Variants in ABHD12B observed in about 807,000 individuals in gnomAD.
The protein encoded by ABHD12B is protein ABHD12B.
ABHD12B carries 42 observed loss-of-function variants against 50.4 expected under a neutral mutation model. The ratio of observed to expected loss-of-function variants is 0.83; its 90% CI spans 0.65 to 1.08. The LOEUF is 1.08. Among genes scored for constraint, ABHD12B ranks in the 50% least tolerant of loss-of-function variants. The pLI, the probability that ABHD12B is intolerant of heterozygous loss-of-function variation, is 0.00. For missense variants in ABHD12B, 479 were observed against 447.7 expected, an observed-to-expected ratio of 1.07 and a Z score of -0.63; for synonymous variants, 167 against 160.3, an observed-to-expected ratio of 1.04 and a Z score of -0.32.
rs370341916 is a variant in ABHD12B at position 50,892,626 on chromosome 14, A to C, written c.780+3723A>C. The C allele has an allele frequency of 8.2e-6, 8 of 971,194 alleles. No individual in the cohort carries two copies. The African/African-American group carries it at 8.8e-5, about 11-fold the overall frequency. 60.2% of individuals were successfully genotyped at this position (971,194 alleles called of 1,614,324 possible). A position where few individuals can be genotyped will look rare whatever the true frequency, so the allele number is the denominator to read the frequency against. On this transcript the variant is annotated intron_variant, in intron 9 of 12. Coordinates refer to ENST00000337334, the MANE Select transcript of ABHD12B (RefSeq NM_001206673.2). ...GCTTTGACTTTATCTTCTGTGTTAT[A>C]TGGTTTCTATATTTTTAATTTCTGG...
intron 5 of ABHD12B, among the ~76,000 whole-genome samples, chr14:50,882,373 C>CTTTGTTTTTTTTTTTTTTTTTTT (rs2049965315): frequency 1.2e-5 from 1 of 81,844 alleles, no homozygotes; most frequent in African/African-American, 5.2e-5. Context: ...AGAATGTCTG[C>CTTTGTTTTTTTTTTTTTTTTTTT]TTTTTTTTTT....
intron 3 of ABHD12B, among the ~76,000 whole-genome samples, chr14:50,879,872 T>C (rs2049915521): frequency 6.6e-6 from 1 of 152,178 alleles, no homozygotes; most frequent in South Asian, 2.1e-4. Context: ...TTGTCACCCT[T>C]AGCCAGTTCT....
chr14:50,897,786 G>A (rs1475881171), intron 9 of ABHD12B, among the ~76,000 whole-genome samples: 1 of 152,226 alleles, frequency 6.6e-6, no homozygotes, highest in Non-Finnish European at 1.5e-5. Context: ...CACTGCACAG[G>A]GTTGTTGTGA....
intron 8 of ABHD12B, 129 bp downstream of exon 8, chr14:50,886,813 C>A: frequency 7.0e-6 from 5 of 716,416 alleles, no homozygotes; most frequent in African/African-American, 1.8e-5. Context: ...TGGTTTCTGG[C>A]AGTGCAACAG....
Position 50,877,961 on chromosome 14 carries a change from A to C in ABHD12B, c.114A>C (p.Pro38=), listed in dbSNP as rs1475274918. The part of the protein sequence containing the change: ...DMVDRNLRYF[P]HSCSMLGRKI... The stretch of plus-strand genomic sequence containing the variant: ...TCCCAATACCTTGCAGATATTTTCC[A>C]CACTCCTGTTCAATGCTCGGAAGAA... Residue 38 remains proline (P), a synonymous_variant, in exon 2 of 13, where the codon CCA becomes CCC. Coordinates refer to ENST00000337334, the MANE Select transcript of ABHD12B (RefSeq NM_001206673.2). 1 of 1,523,276 alleles carries C rather than the reference A, an allele frequency of 6.6e-7. No individual in the cohort carries two copies. The highest frequency in any genetic ancestry group is 8.8e-7 in the Non-Finnish European group (1 of 1,142,164). The allele number at this position is 1,523,276 out of a possible 1,614,324, so 94.4% of individuals were successfully genotyped here. A position where few individuals can be genotyped will look rare whatever the true frequency, so the allele number is the denominator to read the frequency against.
chr14:50,880,607 G>T, intron 4 of ABHD12B, 36 bp downstream of exon 4: 1 of 1,512,472 alleles, frequency 6.6e-7, no homozygotes, highest in Non-Finnish European at 8.9e-7. Context: ...TTTTTCAGGA[G>T]ATTGAGAGCA....
At chr14:50,874,459 G>T (rs2049832361) in intron 1 of ABHD12B, among the ~76,000 whole-genome samples, 2 of 152,100 alleles carry the variant, frequency 1.3e-5, no homozygotes, top group Non-Finnish European at 2.9e-5. Flanking sequence ...AATTAGCCAG[G>T]CGTGGTGGCA....
At chr14:50,883,764 A>G (rs921068193) in intron 5 of ABHD12B, among the ~76,000 whole-genome samples, 4 of 152,248 alleles carry the variant, frequency 2.6e-5, no homozygotes, top group African/African-American at 9.6e-5. Flanking sequence ...ATCATTGCCC[A>G]ACAGGACCAA....
Position 50,878,097 on chromosome 14 carries a change from A to G in ABHD12B, c.232+18A>G. 1 of 1,502,478 alleles carries G rather than the reference A, an allele frequency of 6.7e-7. No homozygotes were observed. Among genetic ancestry groups the G allele is most frequent in the South Asian group, 1.3e-5 (1 of 78,818 alleles). The allele number at this position is 1,502,478 out of a possible 1,614,324, so 93.1% of individuals were successfully genotyped here. A position where few individuals can be genotyped will look rare whatever the true frequency, so the allele number is the denominator to read the frequency against. On this transcript the variant is annotated intron_variant, in intron 2 of 12. Coordinates refer to ENST00000337334, the MANE Select transcript of ABHD12B (RefSeq NM_001206673.2). ...TAATTTTTGTAAGTATGGACCTTCC[A>G]TAAATTTTCCTATATAATTTTTCCC...
intron 9 of ABHD12B, among the ~76,000 whole-genome samples, chr14:50,899,325 A>G (rs2050236051): frequency 6.6e-6 from 1 of 152,250 alleles, no homozygotes; most frequent in East Asian, 1.9e-4. Context: ...TTTCCTTACC[A>G]CATTCCCTAA....
chr14:50,885,441 C>T (rs4898675), intron 5 of ABHD12B, among the ~76,000 whole-genome samples, 173 bp from the exon 6 acceptor site: 147,594 of 152,298 alleles, frequency 0.97, 71,688 homozygotes, highest in East Asian at 1. Flanking sequence ...TCATCGAATA[C>T]AAAATAATAG....
chr14:50,887,483 G>A (rs2050059091), intron 8 of ABHD12B, among the ~76,000 whole-genome samples: 1 of 152,016 alleles, frequency 6.6e-6, no homozygotes, highest in African/African-American at 2.4e-5. Flanking sequence ...CTATATAAAT[G>A]CAAATATTCA....
chr14:50,895,730 C>A (rs1036349390), intron 9 of ABHD12B: 1 of 152,128 alleles, frequency 6.6e-6, no homozygotes, highest in Non-Finnish European at 1.5e-5. Context: ...AAGGTAGGCC[C>A]GTCCCCTTCT....
intron 5 of ABHD12B, among the ~76,000 whole-genome samples, chr14:50,882,382 T>TTTTTTTTTTTTTTTTTTTTTTTTTTTTG (rs1321823420): frequency 7.5e-6 from 1 of 132,594 alleles, no homozygotes; most frequent in African/African-American, 3.0e-5. Flanking sequence ...GCTTTTTTTT[T>TTTTTTTTTTTTTTTTTTTTTTTTTTTTG]TTTTTTTTTT....
At chr14:50,904,276 T>TATA (rs1206011850) in intron 12 of ABHD12B, 63 bp from the exon 13 acceptor site, 89 of 1,613,778 alleles carry the variant, frequency 5.5e-5, no homozygotes, top group Non-Finnish European at 7.1e-5. Flanking sequence ...CATGAAAATG[T>TATA]ATAATATTTT....
In ABHD12B at chr14:50,903,513, C is replaced by T. The variant is rs753148667; in HGVS notation, c.942+46C>T. ...TGACTGAAATATACTATACTCATTTCACCATTTTTTTCATTCAGCCAAACT... is the reference window on the plus strand; with the variant it reads ...TGACTGAAATATACTATACTCATTTTACCATTTTTTTCATTCAGCCAAACT... On this transcript the variant is annotated intron_variant, in intron 11 of 12. Transcript: ENST00000337334. The T allele has an allele frequency of 3.3e-6, 5 of 1,519,928 alleles. No homozygotes were observed. The Admixed American group carries it at 5.8e-5, about 18-fold the overall frequency. 94.2% of individuals were successfully genotyped at this position (1,519,928 alleles called of 1,614,324 possible). A position where few individuals can be genotyped will look rare whatever the true frequency, so the allele number is the denominator to read the frequency against.
chr14:50,903,518 T>C (rs1302358186), intron 11 of ABHD12B, 51 bp downstream of exon 11: 9 of 1,480,406 alleles, frequency 6.1e-6, no homozygotes, highest in Non-Finnish European at 8.3e-6. Flanking sequence ...CATTTCACCA[T>C]TTTTTTCATT....
At position 50,886,750 on chromosome 14, in the gene ABHD12B, G is replaced by A; in HGVS notation, c.700+66G>A. On this transcript the variant is annotated intron_variant, in intron 8 of 12. Transcript: ENST00000337334. ...GATGGGAAAGTAAAAACAGTCAAGAGACTATTGTGTACACTTTGAACATAT... is the reference window on the plus strand; with the variant it reads ...GATGGGAAAGTAAAAACAGTCAAGAAACTATTGTGTACACTTTGAACATAT... The A allele has an allele frequency of 2.1e-6, 3 of 1,448,984 alleles. No homozygotes were observed. In the South Asian group the frequency reaches 3.6e-5, roughly 17 times the overall value. 89.8% of individuals were successfully genotyped at this position (1,448,984 alleles called of 1,614,324 possible). A position where few individuals can be genotyped will look rare whatever the true frequency, so the allele number is the denominator to read the frequency against.
chr14:50,877,312 T>C (rs1206314032), intron 1 of ABHD12B, among the ~76,000 whole-genome samples: 3 of 152,116 alleles, frequency 2.0e-5, no homozygotes, highest in South Asian at 2.1e-4. Context: ...AGTGCAGAAT[T>C]GTGATATAAT....
Sources: allele counts gnomAD v4.1 joint callset (sites outside exome capture counted in the v4.1 genomes callset), GRCh38; gene constraint gnomAD v4.1.1; transcripts MANE v1.5; gene names NCBI Gene and HGNC (gene_info 2026-07-23, HGNC 2026-07-21).